Variants in OR2L13 observed in about 807,000 individuals in gnomAD.
The protein encoded by OR2L13 is olfactory receptor 2L13.
A neutral mutation model predicts 15.3 loss-of-function variants in OR2L13; 14 were observed. The ratio of observed to expected loss-of-function variants is 0.91; its 90% confidence interval spans 0.60 to 1.43. The LOEUF is 1.43. Among genes scored for constraint, OR2L13 ranks in the 40% most tolerant of loss-of-function variants. OR2L13 has a pLI of 0.00. For synonymous variants in OR2L13, 152 were observed against 142.9 expected (o/e 1.06, Z -0.45); for missense variants, 367 against 387.9 (o/e 0.95, Z 0.45).
At chr1:248,060,730 T>C in the OR2L13 span, 2 of 1,614,134 alleles carry the variant, frequency 1.2e-6, no homozygotes, top group African/African-American at 2.7e-5. Context: ...ATTAGGATTC[T>C]TCCCACCATC....
At chr1:247,982,738 A>C in the OR2L13 span, among the ~76,000 whole-genome samples, 1 of 152,186 alleles carries the variant, frequency 6.6e-6, no homozygotes, top group Admixed American at 6.5e-5. Flanking sequence ...GATCAAGTGA[A>C]AGCACAGTAA....
the OR2L13 span, among the ~76,000 whole-genome samples, chr1:247,976,947 C>G: frequency 1.5e-3 from 227 of 152,332 alleles, 1 homozygote; most frequent in African/African-American, 4.7e-3. Flanking sequence ...TCATTTCTCC[C>G]TTTTCTCAGG....
At chr1:248,009,439 C>T in the OR2L13 span, among the ~76,000 whole-genome samples, 440 of 152,208 alleles carry the variant, frequency 2.9e-3, no homozygotes, top group African/African-American at 0.01. Flanking sequence ...TGGGCAAATT[C>T]CTGGACATAT....
chr1:248,035,519 A>T, the OR2L13 span: 1 of 152,088 alleles, frequency 6.6e-6, no homozygotes, highest in Non-Finnish European at 1.5e-5. Flanking sequence ...CTGTGACATA[A>T]TTTTTACATC....
the OR2L13 span, among the ~76,000 whole-genome samples, chr1:247,982,461 G>A: frequency 6.6e-6 from 1 of 152,210 alleles, no homozygotes; most frequent in Non-Finnish European, 1.5e-5. Context: ...ATAGGAAAAA[G>A]AGATCTATGC....
the OR2L13 span, among the ~76,000 whole-genome samples, chr1:247,948,103 C>T: frequency 8.4e-3 from 1,272 of 152,134 alleles, 21 homozygotes; most frequent in African/African-American, 0.03. Context: ...GTCGCAGCTA[C>T]TCAGGAGGCT....
chr1:248,000,831 T>C, the OR2L13 span, among the ~76,000 whole-genome samples: 1 of 152,168 alleles, frequency 6.6e-6, no homozygotes, highest in Non-Finnish European at 1.5e-5. Context: ...AGAATTGTAA[T>C]GAGTAAAGTT....
the OR2L13 span, chr1:248,023,867 C>A: frequency 1.3e-5 from 2 of 152,162 alleles, no homozygotes; most frequent in Non-Finnish European, 2.9e-5. Flanking sequence ...CATTATACAA[C>A]TTTCCATAAT....
chr1:248,069,647 A>G, the OR2L13 span, among the ~76,000 whole-genome samples: 6 of 152,266 alleles, frequency 3.9e-5, no homozygotes, highest in South Asian at 1.2e-3. Flanking sequence ...ATGTAAATGG[A>G]CTAAATGCTC....
At chr1:247,965,587 C>G in the OR2L13 span, 6 of 1,590,962 alleles carry the variant, frequency 3.8e-6, no homozygotes, top group Non-Finnish European at 5.1e-6. Context: ...CATCGTTGAC[C>G]TCATGTACAT....
chr1:248,070,032 T>C, the OR2L13 span, among the ~76,000 whole-genome samples: 14 of 151,978 alleles, frequency 9.2e-5, no homozygotes, highest in African/African-American at 3.4e-4. Flanking sequence ...AATGGGAGAC[T>C]TTAACACCCC....
the OR2L13 span, among the ~76,000 whole-genome samples, chr1:248,071,799 G>A: frequency 0.061 from 9,084 of 147,718 alleles, 272 homozygotes; most frequent in East Asian, 0.11. Flanking sequence ...CAAAATCAAT[G>A]TACAAAAATC....
At chr1:248,039,290 C>T in the OR2L13 span, 60 of 1,269,476 alleles carry the variant, frequency 4.7e-5, no homozygotes, top group Admixed American at 1.4e-4. Flanking sequence ...TTATTACATG[C>T]CCAGTGTGTC....
chr1:248,031,299 A>G, the OR2L13 span, among the ~76,000 whole-genome samples: 3 of 152,230 alleles, frequency 2.0e-5, no homozygotes, highest in East Asian at 3.8e-4. Flanking sequence ...GAATAATCAA[A>G]GAGATGCTAC....
the OR2L13 span, among the ~76,000 whole-genome samples, chr1:248,011,554 G>T: frequency 6.6e-6 from 1 of 152,002 alleles, no homozygotes. Flanking sequence ...TTTCCAGCTT[G>T]GTTCCATTCT....
the OR2L13 span, among the ~76,000 whole-genome samples, chr1:247,955,340 G>A: frequency 4.2e-4 from 64 of 151,752 alleles, no homozygotes; most frequent in Non-Finnish European, 7.2e-4. Flanking sequence ...TCTTAATCCA[G>A]TCTATCATTG....
chr1:247,956,761 A>G, the OR2L13 span, among the ~76,000 whole-genome samples: 5 of 152,112 alleles, frequency 3.3e-5, no homozygotes, highest in Non-Finnish European at 5.9e-5. Context: ...TTATTCGTGT[A>G]GAAGAATGCT....
the OR2L13 span, among the ~76,000 whole-genome samples, chr1:248,021,404 G>A: frequency 1.3e-5 from 2 of 152,134 alleles, no homozygotes; most frequent in Middle Eastern, 3.2e-3. Context: ...TCTATAAGTA[G>A]TCCCCTCTTA....
At chr1:248,075,214 A>G in the OR2L13 span, among the ~76,000 whole-genome samples, 1 of 152,104 alleles carries the variant, frequency 6.6e-6, no homozygotes, top group East Asian at 1.9e-4. Flanking sequence ...ATTCTTTTTT[A>G]TGGCTGCATA....
Sources: allele counts gnomAD v4.1 joint callset (sites outside exome capture counted in the v4.1 genomes callset), GRCh38; gene constraint gnomAD v4.1.1; transcripts MANE v1.5; gene names NCBI Gene and HGNC (gene_info 2026-07-23, HGNC 2026-07-21).